Variants in ABCB11 observed in about 807,000 individuals in gnomAD.
ABCB11 encodes ATP binding cassette subfamily B member 11.
In ABCB11, 95 loss-of-function variants were observed where a neutral mutation model predicts 148.0. The observed-to-expected ratio is 0.64, with a 90% CI of 0.54 to 0.76. The LOEUF (loss-of-function observed/expected upper bound fraction) is 0.76. ABCB11 is among the 30% of genes least tolerant of loss of function. The pLI is 0.00. For missense variants in ABCB11, 1,523 were observed against 1,617.8 expected (o/e 0.94, Z 1.01); for synonymous variants, 591 against 555.4 (o/e 1.06, Z -0.90).
Position 169,013,367 on chromosome 2 carries a change from T to C in ABCB11, c.294A>G (p.Gln98=), listed in dbSNP as rs1337142273. ...DVFIDYDVEL[Q]ELQIPGKACV... is the part of the protein sequence containing the mutation. ...ATGCTTTTCCTGGAATCTGGAGTTC[T>C]TGTAACTCAACGTCGTAGTCAATAA... is the stretch of plus-strand genomic sequence containing the variant. Residue 98 remains glutamine, a synonymous_variant, in exon 5 of 28, where the codon CAA becomes CAG. Coordinates refer to ENST00000650372, the MANE Select transcript of ABCB11 (RefSeq NM_003742.4). 2 of 1,613,774 alleles carry C rather than the reference T, an allele frequency of 1.2e-6. No homozygotes were observed. Among genetic ancestry groups the C allele is most frequent in the Non-Finnish European group, 8.5e-7 (1 of 1,179,818 alleles).
chr2:168,998,416 G>C (rs562756771), intron 5 of ABCB11, among the ~76,000 whole-genome samples: 1 of 152,016 alleles, frequency 6.6e-6, no homozygotes, highest in African/African-American at 2.4e-5. Flanking sequence ...ATAATACATT[G>C]ACTATTTCAA....
chr2:169,000,441 G>A (rs988752728), intron 5 of ABCB11, among the ~76,000 whole-genome samples: 4 of 152,024 alleles, frequency 2.6e-5, no homozygotes, highest in Non-Finnish European at 5.9e-5. Context: ...TTACATATAA[G>A]TCCATGATTC....
chr2:168,934,366 A>T (rs1691721878), intron 23 of ABCB11, among the ~76,000 whole-genome samples: 1 of 151,902 alleles, frequency 6.6e-6, no homozygotes. Flanking sequence ...TGCCCTCCAA[A>T]CCTTTCTCAG....
intron 5 of ABCB11, among the ~76,000 whole-genome samples, chr2:169,012,987 A>G (rs558996874): frequency 6.6e-6 from 1 of 152,096 alleles, no homozygotes; most frequent in Admixed American, 6.6e-5. Flanking sequence ...GACGTTAAGT[A>G]TTGGTAGTGT....
Position 168,958,112 on chromosome 2 carries a change from A to G in ABCB11, c.2195T>C (p.Val732Ala), listed in dbSNP as rs779204797. The G allele has an allele frequency of 5.6e-6, 9 of 1,610,970 alleles. No homozygotes were observed. The highest frequency in any genetic ancestry group is 2.7e-5 in the African/African-American group (2 of 74,692). ...TGGGGCAGGTTCAACTTCTTCCTGC[A>G]CAGGAATGTCCTTGTCCTTGAGCAG... ...EEDRKDKDIP[V>A]QEEVEPAPVR... The change falls in exon 19 of 28, where the codon GTG becomes GCG. Residue 732 changes from valine to alanine, a missense_variant. Coordinates refer to ENST00000650372, the MANE Select transcript of ABCB11 (RefSeq NM_003742.4).
chr2:168,932,997 T>C (rs1311857199), intron 23 of ABCB11, among the ~76,000 whole-genome samples: 1 of 150,980 alleles, frequency 6.6e-6, no homozygotes, highest in Non-Finnish European at 1.5e-5. Context: ...TGGTCCCAGC[T>C]ACTCGGGAGG....
Position 169,023,913 on chromosome 2 carries a change from A to C in ABCB11, c.-27-5761T>G, listed in dbSNP as rs2106070476. Among the ~76,000 whole-genome samples, 5 of 152,308 alleles carry C rather than the reference A, an allele frequency of 3.3e-5. No individual in the cohort carries two copies. The Middle Eastern group carries it at 0.017, about 518-fold the overall frequency. ...GCAAGTATGGCATAGGGTTTAAGATACGATAAAGTTGGAAGGAGGTAACTT... is the reference window on the plus strand; with the variant it reads ...GCAAGTATGGCATAGGGTTTAAGATCCGATAAAGTTGGAAGGAGGTAACTT... On this transcript the variant is annotated intron_variant, in intron 1 of 27. Coordinates refer to ENST00000650372, the MANE Select transcript of ABCB11 (RefSeq NM_003742.4).
Position 168,976,593 on chromosome 2 carries a change from G to C in ABCB11, c.1292C>G (p.Ser431Cys). ...EFHNVTFHYPSRPEVKILNDL... is the reference protein window; with the variant it reads ...EFHNVTFHYPCRPEVKILNDL... ...AGCACTCACCTTCACCTCTGGTCTG[G>C]AAGGATAATGGAAGGTCACATTATG... is the stretch of plus-strand genomic sequence containing the variant. Residue 431 changes from serine (S) to cysteine (C), a missense_variant, in exon 12 of 28, where the codon TCC (serine) becomes TGC (cysteine). By Grantham distance (112) the Ser-to-Cys change is moderately radical. Transcript: ENST00000650372. 6.2e-7 allele frequency: 1 copy of C among 1,600,288 alleles called. No individual in the cohort carries two copies. Among genetic ancestry groups the C allele is most frequent in the Non-Finnish European group, 8.6e-7 (1 of 1,169,152 alleles).
intron 23 of ABCB11, among the ~76,000 whole-genome samples, chr2:168,933,531 A>T (rs931484560): frequency 3.9e-5 from 6 of 152,180 alleles, no homozygotes; most frequent in Admixed American, 6.5e-5. Context: ...TCTGCCTGGG[A>T]TGGGGATAGG....
At chr2:169,017,501 T>A (rs546955263) in intron 2 of ABCB11, among the ~76,000 whole-genome samples, 33 of 152,324 alleles carry the variant, frequency 2.2e-4, no homozygotes, top group African/African-American at 7.5e-4. Flanking sequence ...GGATTAGAAT[T>A]ATGGTTCCAT....
intron 23 of ABCB11, 106 bp from the exon 24 acceptor site, chr2:168,932,639 C>G: frequency 1.5e-6 from 2 of 1,358,028 alleles, no homozygotes; most frequent in Non-Finnish European, 2.0e-6. Context: ...AGGAAAGGAC[C>G]AAATATCCTT....
intron 9 of ABCB11, among the ~76,000 whole-genome samples, chr2:168,988,866 G>A (rs1029244788): frequency 6.6e-6 from 1 of 152,054 alleles, no homozygotes; most frequent in Non-Finnish European, 1.5e-5. Context: ...GATGATTAGT[G>A]ATGTGTGACA....
At chr2:169,013,744 T>C (rs957113249) in intron 4 of ABCB11, among the ~76,000 whole-genome samples, 1 of 152,192 alleles carries the variant, frequency 6.6e-6, no homozygotes, top group Admixed American at 6.5e-5. Context: ...ATAAATTTCC[T>C]GCTCTCTGAA....
Position 169,014,244 on chromosome 2 carries a change from A to G in ABCB11, c.150+59T>C. The G allele has an allele frequency of 2.6e-6, 4 of 1,522,584 alleles. No individual in the cohort carries two copies. In the South Asian group the frequency reaches 4.5e-5, roughly 17 times the overall value. The allele number at this position is 1,522,584 out of a possible 1,614,324, so 94.3% of individuals were successfully genotyped here. ...TGACTAAAGATTTAACACTCCCCTC[A>G]TGATCTAAACAATTTATAGCTGCAC... On this transcript the variant is annotated intron_variant, in intron 4 of 27. Coordinates refer to ENST00000650372, the MANE Select transcript of ABCB11 (RefSeq NM_003742.4).
rs757325985 is a variant in ABCB11, at chr2:168,935,418, T to C, written c.2822A>G (p.Asn941Ser). The change falls in exon 23 of 28, where the codon AAT becomes AGT. Residue 941 changes from asparagine to serine, a missense_variant. Asn to Ser is a conservative substitution (Grantham distance 46). Coordinates refer to ENST00000650372, the MANE Select transcript of ABCB11 (RefSeq NM_003742.4). Reference protein sequence around the residue: ...QALEMVGQITNEALSNIRTVA... With the variant: ...QALEMVGQITSEALSNIRTVA... ...AGTGCGGATGTTACTGAGGGCTTCATTTGTAATCTGAAGATTGAAAAAGAG... is the reference window on the plus strand; with the variant it reads ...AGTGCGGATGTTACTGAGGGCTTCACTTGTAATCTGAAGATTGAAAAAGAG... The C allele has an allele frequency of 9.3e-6, 15 of 1,610,160 alleles. No individual in the cohort carries two copies. The Middle Eastern group carries it at 9.9e-4, about 106-fold the overall frequency.
chr2:168,938,857 C>T (rs755927478), intron 21 of ABCB11, among the ~76,000 whole-genome samples: 3 of 151,868 alleles, frequency 2.0e-5, no homozygotes, highest in Admixed American at 1.3e-4. Flanking sequence ...ATAATACAAC[C>T]TAAGACACAA....
At chr2:168,929,648 A>G (rs1691476063) in intron 25 of ABCB11, among the ~76,000 whole-genome samples, 1 of 152,224 alleles carries the variant, frequency 6.6e-6, no homozygotes, top group South Asian at 2.1e-4. Context: ...TGAAAAGAGT[A>G]AGAGGTGAAA....
chr2:169,020,037 C>T (rs955423667), intron 1 of ABCB11, among the ~76,000 whole-genome samples: 39 of 152,040 alleles, frequency 2.6e-4, no homozygotes, highest in Non-Finnish European at 3.4e-4. Context: ...TATGTCAGGA[C>T]GGCCAATCAA....
At chr2:168,992,794 T>C (rs938484042) in intron 8 of ABCB11, among the ~76,000 whole-genome samples, 1 of 152,084 alleles carries the variant, frequency 6.6e-6, no homozygotes, top group African/African-American at 2.4e-5. Context: ...CATTTTCTAT[T>C]TTATCTGGGA....
Sources: allele counts gnomAD v4.1 joint callset (sites outside exome capture counted in the v4.1 genomes callset), GRCh38; gene constraint gnomAD v4.1.1; transcripts MANE v1.5; gene names NCBI Gene and HGNC (gene_info 2026-07-23, HGNC 2026-07-21).